Variants in TMEM164 observed in about 807,000 individuals in gnomAD.
TMEM164 encodes the protein RP13-360B22.2.
TMEM164 carries 4 observed loss-of-function variants against 18.8 expected under a neutral mutation model. The ratio of observed to expected loss-of-function variants is 0.21; its 90% CI spans 0.10 to 0.49. The LOEUF is 0.49. TMEM164 is among the 20% of genes least tolerant of loss of function. The pLI is 0.98. For missense variants in TMEM164, 108 were observed against 239.9 expected, an observed-to-expected ratio of 0.45 and a Z score of 3.63; for synonymous variants, 86 against 101.7, an observed-to-expected ratio of 0.85 and a Z score of 0.93.
Position 110,175,876 on chromosome X carries a change from A to T in TMEM164, c.*2425A>T. 1.3e-6 allele frequency: 1 copy of T among 754,969 alleles called. No individual in the cohort carries two copies. The highest frequency in any genetic ancestry group is 1.6e-6 in the Non-Finnish European group (1 of 639,751). 62.2% of individuals were successfully genotyped at this position (754,969 alleles called of 1,213,427 possible). On this transcript the variant is annotated 3_prime_UTR_variant, in exon 7 of 7. Coordinates refer to ENST00000372068, the MANE Select transcript of TMEM164 (RefSeq NM_032227.4). Reference sequence around the variant, plus strand: ...ACGTGGAGAGAAGCAACCCAACCAGACTCTTGGCAGCCTGCCTTACAGGGT... The same window carrying T: ...ACGTGGAGAGAAGCAACCCAACCAGTCTCTTGGCAGCCTGCCTTACAGGGT...
downstream of TMEM164, among the ~76,000 whole-genome samples, chrX:110,181,945 G>A (rs948651138): frequency 6.3e-5 from 7 of 111,880 alleles, no homozygotes; most frequent in Non-Finnish European, 1.1e-4. Context: ...GTGTGGTTGC[G>A]GTCTGTGGTG....
chrX:110,028,912 C>T (rs1320200261), intron 2 of TMEM164, among the ~76,000 whole-genome samples: 1 of 111,673 alleles, frequency 9.0e-6, no homozygotes, highest in Non-Finnish European at 1.9e-5. Flanking sequence ...GTACTGTTAA[C>T]CTTTACTTTA....
In TMEM164 at chrX:110,154,792, G is replaced by A. The variant is rs374115172; in HGVS notation, c.586+9916G>A. On this transcript the variant is annotated intron_variant, in intron 5 of 6. Coordinates refer to ENST00000372068, the MANE Select transcript of TMEM164 (RefSeq NM_032227.4). ...CTCTATGCTGCCTGTCCATGGAGTC[G>A]CTGGATTCAGACAGACTGTAGGTAC... 1.7e-4 allele frequency among the ~76,000 whole-genome samples: 19 copies of A among 111,818 alleles called. No individual in the cohort carries two copies. The East Asian group carries it at 2.5e-3, about 15-fold the overall frequency.
At chrX:110,073,500 T>C (rs1157358777) in intron 3 of TMEM164, among the ~76,000 whole-genome samples, 3 of 112,455 alleles carry the variant, frequency 2.7e-5, no homozygotes, top group African/African-American at 9.7e-5. Context: ...TTTTTATGGC[T>C]GCATACTATT....
chrX:110,151,278 T>C (rs1381449273), intron 5 of TMEM164, among the ~76,000 whole-genome samples: 1 of 111,893 alleles, frequency 8.9e-6, no homozygotes, highest in Non-Finnish European at 1.9e-5. Flanking sequence ...TCACAGTATA[T>C]GCATTTGTAT....
intron 2 of TMEM164, among the ~76,000 whole-genome samples, chrX:110,051,323 A>AT (rs1034103809): frequency 2.7e-5 from 3 of 110,118 alleles, no homozygotes; most frequent in Admixed American, 9.8e-5. Flanking sequence ...GGCCCCAGGA[A>AT]TTTTTTTTTC....
Position 110,055,116 on chromosome X carries a change from A to T in TMEM164, c.391-12231A>T, listed in dbSNP as rs12558966. 5.0e-3 allele frequency among the ~76,000 whole-genome samples: 559 copies of T among 111,570 alleles called. 13 individuals are homozygous for T. The highest frequency in any genetic ancestry group is 0.049 in the Admixed American group (515 of 10,519). On this transcript the variant is annotated intron_variant, in intron 2 of 6. Transcript: ENST00000372068. Reference sequence around the variant, plus strand: ...CTGTTCTCTCTCCACTGCTGGAGAAACATCAGTAACAATTTTTCTCTTGGA... The same window carrying T: ...CTGTTCTCTCTCCACTGCTGGAGAATCATCAGTAACAATTTTTCTCTTGGA...
intron 3 of TMEM164, among the ~76,000 whole-genome samples, chrX:110,085,326 A>G (rs2065835608): frequency 2.9e-5 from 1 of 34,787 alleles, no homozygotes; most frequent in Admixed American, 2.1e-4. Flanking sequence ...ATGCTTGGCT[A>G]ATTAAAAAAA....
chrX:110,095,856 TG>T lies in TMEM164; in HGVS notation c.441-13220del, dbSNP rs754471873. ...GTCTTTGATGATGATGACGTACAGA[TG>T]GGGTTTTGGTGTTGATGTCCTTTCT... On this transcript the variant is annotated intron_variant, in intron 3 of 6. Transcript: ENST00000372068. Among the ~76,000 whole-genome samples the T allele has an allele frequency of 2.7e-5, 3 of 112,402 alleles. No homozygotes were observed. The Admixed American group carries it at 2.8e-4, about 11-fold the overall frequency.
At chrX:110,116,851 T>TGTGC (rs1556009458) in intron 4 of TMEM164, among the ~76,000 whole-genome samples, 5 of 98,709 alleles carry the variant, frequency 5.1e-5, no homozygotes, top group Middle Eastern at 5.4e-3. Flanking sequence ...TGTGTGTGTG[T>TGTGC]GCGCGTGTGC....
intron 2 of TMEM164, among the ~76,000 whole-genome samples, chrX:110,028,305 G>C (rs1490124295): frequency 8.9e-6 from 1 of 111,972 alleles, no homozygotes; most frequent in Non-Finnish European, 1.9e-5. Flanking sequence ...GGAAATAATT[G>C]AGACTTTGTT....
rs57119511 is a variant in TMEM164, at chrX:110,014,046, C to T, written c.390+9882C>T. On this transcript the variant is annotated intron_variant, in intron 2 of 6. Coordinates refer to ENST00000372068, the MANE Select transcript of TMEM164 (RefSeq NM_032227.4). ...ATGATATGATCAAACTTGAACATTA[C>T]CAGAGTTGTTGTGAGGATTAAGTGA... Among the ~76,000 whole-genome samples, 11 of 111,165 alleles carry T rather than the reference C, an allele frequency of 9.9e-5. No individual in the cohort carries two copies. The East Asian group carries it at 3.1e-3, about 31-fold the overall frequency.
At chrX:110,058,569 C>A (rs1935957261) in intron 2 of TMEM164, among the ~76,000 whole-genome samples, 2 of 105,201 alleles carry the variant, frequency 1.9e-5, no homozygotes, top group Admixed American at 1.0e-4. Flanking sequence ...GATTTTTTCT[C>A]CCATTCTTTG....
intron 2 of TMEM164, among the ~76,000 whole-genome samples, chrX:110,024,170 C>T (rs1475733022): frequency 8.9e-6 from 1 of 112,529 alleles, no homozygotes; most frequent in Non-Finnish European, 1.9e-5. Flanking sequence ...GGTTAGTTAG[C>T]CAGTTACACA....
chrX:110,073,220 G>C (rs2065622467), intron 3 of TMEM164, among the ~76,000 whole-genome samples: 1 of 110,587 alleles, frequency 9.0e-6, no homozygotes, highest in East Asian at 2.8e-4. Context: ...AGTTTTTGTA[G>C]AGATGGGGTC....
chrX:110,047,748 T>C (rs1935377547), intron 2 of TMEM164, among the ~76,000 whole-genome samples: 2 of 111,878 alleles, frequency 1.8e-5, no homozygotes, highest in Non-Finnish European at 1.9e-5. Context: ...TCTTTGGAAG[T>C]CTATTTAGAA....
intron 3 of TMEM164, among the ~76,000 whole-genome samples, chrX:110,080,178 C>G (rs1293691994): frequency 2.4e-4 from 27 of 111,048 alleles, no homozygotes; most frequent in African/African-American, 8.8e-4. Context: ...GGTGTCTTAT[C>G]CTTCTTAGTG....
At chrX:110,074,795 C>T (rs757991683) in intron 3 of TMEM164, among the ~76,000 whole-genome samples, 7 of 111,846 alleles carry the variant, frequency 6.3e-5, no homozygotes, top group African/African-American at 2.3e-4. Flanking sequence ...TCTGTGTTCT[C>T]TATCCTATTC....
chrX:110,172,647 C>T (rs779104000), intron 6 of TMEM164, among the ~76,000 whole-genome samples: 2 of 111,857 alleles, frequency 1.8e-5, no homozygotes, highest in Non-Finnish European at 3.8e-5. Flanking sequence ...ACATACCATG[C>T]TCAGGCAACG....
Sources: allele counts gnomAD v4.1 joint callset (sites outside exome capture counted in the v4.1 genomes callset), GRCh38; gene constraint gnomAD v4.1.1; transcripts MANE v1.5; gene names NCBI Gene and HGNC (gene_info 2026-07-23, HGNC 2026-07-21).